The following TIAM1 variants were observed in gnomAD, a reference collection of about 807,000 sequenced individuals.
The protein encoded by TIAM1 is rho guanine nucleotide exchange factor TIAM1.
TIAM1 carries 65 observed loss-of-function variants against 163.5 expected under a neutral mutation model. That is an observed-to-expected ratio of 0.40 (90% CI 0.33 to 0.49). The LOEUF (loss-of-function observed/expected upper bound fraction) is 0.49. Among genes scored for constraint, TIAM1 ranks in the 20% least tolerant of loss-of-function variants. The probability of loss-of-function intolerance (pLI) is 0.77; values close to 1 mark genes in which losing one functional copy is unlikely to be tolerated. For synonymous variants in TIAM1, 833 were observed against 810.1 expected, an observed-to-expected ratio of 1.03 and a Z score of -0.48; for missense variants, 1,789 against 2,044.7, an observed-to-expected ratio of 0.87 and a Z score of 2.41.
Position 31,487,456 on chromosome 21 carries a change from C to T in TIAM1, c.-421-23421G>A, listed in dbSNP as rs545768499. ...TGCGATCTCGGCTCACCATAACCTC[C>T]GCCTCCTGGGTTCAAGCGATTCTCC... is the stretch of plus-strand genomic sequence containing the variant. On this transcript the variant is annotated intron_variant, in intron 1 of 28. Coordinates refer to the TIAM1 transcript ENST00000286827. Among the ~76,000 whole-genome samples the T allele has an allele frequency of 1.5e-3, 229 of 152,244 alleles. 1 individual carries two copies. The highest frequency in any genetic ancestry group is 4.7e-3 in the African/African-American group (197 of 41,556).
chr21:31,244,975 T>C (rs1192644850), intron 6 of TIAM1, among the ~76,000 whole-genome samples: 2 of 152,100 alleles, frequency 1.3e-5, no homozygotes, highest in African/African-American at 4.8e-5. Context: ...TTAAAAAATG[T>C]TGAAATTCAA....
chr21:31,341,509 T>C (rs1358103847), intron 1 of TIAM1, among the ~76,000 whole-genome samples: 2 of 152,226 alleles, frequency 1.3e-5, no homozygotes, highest in African/African-American at 4.8e-5. Flanking sequence ...AAATCTGTAT[T>C]GTCAAGTGGG....
intron 6 of TIAM1, among the ~76,000 whole-genome samples, chr21:31,231,707 A>G (rs2088443122): frequency 6.6e-6 from 1 of 152,060 alleles, no homozygotes; most frequent in Non-Finnish European, 1.5e-5. Context: ...ACCGCATTTA[A>G]GCTTTGCATG....
intron 2 of TIAM1, among the ~76,000 whole-genome samples, chr21:31,325,110 T>C (rs1038363407): frequency 4.9e-5 from 7 of 144,256 alleles, no homozygotes; most frequent in Non-Finnish European, 9.2e-5. Flanking sequence ...CAAGACCCCA[T>C]CTCTACAAAA....
At chr21:31,528,982 C>A (rs948709127) in intron 1 of TIAM1, among the ~76,000 whole-genome samples, 1 of 145,244 alleles carries the variant, frequency 6.9e-6, no homozygotes, top group South Asian at 2.2e-4. Context: ...AGTGCAGTGG[C>A]GCGATCTCAG....
At chr21:31,506,281 C>CAT (rs1248908558) in intron 1 of TIAM1, among the ~76,000 whole-genome samples, 24 of 150,772 alleles carry the variant, frequency 1.6e-4, no homozygotes, top group African/African-American at 5.8e-4. Context: ...CACACACACA[C>CAT]ATATGCATCT....
rs765397127 is a variant in TIAM1 at position 31,153,072 on chromosome 21, C to G, written c.3234G>C (p.Gln1078His). 2.5e-6 allele frequency: 4 copies of G among 1,613,390 alleles called. No homozygotes were observed. In the Admixed American group the frequency reaches 5.0e-5, roughly 20 times the overall value. Residue 1078 changes from glutamine to histidine, a missense_variant, in exon 18 of 28, where the codon CAG becomes CAC. Gln to His is a conservative substitution (Grantham distance 24, BLOSUM62 0). Transcript: ENST00000541036. ...GAAACCATTTCCAGCATACCTCATC[C>G]TGGGTGAGAAAAGTTTCTTTTTGAA... Reference protein sequence around the residue: ...KPLQKETFLTQDELDVLFGNL... With the variant: ...KPLQKETFLTHDELDVLFGNL...
At chr21:31,547,542 C>T (rs1601061171) in intron 1 of TIAM1, among the ~76,000 whole-genome samples, 3 of 152,022 alleles carry the variant, frequency 2.0e-5, no homozygotes, top group South Asian at 2.1e-4. Context: ...TTAAGGAATT[C>T]GATTGCTAAA....
intron 2 of TIAM1, among the ~76,000 whole-genome samples, chr21:31,455,194 G>A (rs550855): frequency 0.19 from 28,206 of 148,312 alleles, 3,276 homozygotes; most frequent in Non-Finnish European, 0.27. Flanking sequence ...CAGGAGAACT[G>A]CTTGAATCCA....
At chr21:31,487,524 C>A (rs1346778946) in intron 1 of TIAM1, among the ~76,000 whole-genome samples, 1 of 150,898 alleles carries the variant, frequency 6.6e-6, no homozygotes, top group East Asian at 2.0e-4. Context: ...GTGGCCGCCA[C>A]CATGCCCAGC....
chr21:31,190,558 A>G (rs1216241562), intron 13 of TIAM1, among the ~76,000 whole-genome samples: 1 of 152,220 alleles, frequency 6.6e-6, no homozygotes, highest in Non-Finnish European at 1.5e-5. Flanking sequence ...ACAGGCACCT[A>G]TAACATGAGG....
intron 2 of TIAM1, among the ~76,000 whole-genome samples, chr21:31,335,663 C>G (rs1016593816): frequency 7.3e-5 from 11 of 151,456 alleles, no homozygotes; most frequent in African/African-American, 2.4e-4. Flanking sequence ...CGAGATCACA[C>G]CACTGCACTC....
chr21:31,432,603 C>A (rs2044079928), intron 2 of TIAM1, among the ~76,000 whole-genome samples: 1 of 152,176 alleles, frequency 6.6e-6, no homozygotes, highest in African/African-American at 2.4e-5. Context: ...AGCAACTCCA[C>A]TTGTAAAGAC....
intron 2 of TIAM1, among the ~76,000 whole-genome samples, chr21:31,352,462 A>C (rs2076250168): frequency 1.3e-5 from 2 of 150,388 alleles, no homozygotes. Flanking sequence ...GCCAACTTTT[A>C]TGTTATATAT....
At chr21:31,325,649 C>A (rs1283761393) in intron 2 of TIAM1, among the ~76,000 whole-genome samples, 4 of 141,834 alleles carry the variant, frequency 2.8e-5, no homozygotes, top group Non-Finnish European at 4.5e-5. Flanking sequence ...GCCTGGGCGA[C>A]AGAGCAAGAC....
chr21:31,269,230 G>A (rs528929145), intron 3 of TIAM1, among the ~76,000 whole-genome samples: 3 of 152,310 alleles, frequency 2.0e-5, no homozygotes, highest in East Asian at 1.9e-4. Context: ...AAGAATTACC[G>A]CACTACATGC....
intron 15 of TIAM1, among the ~76,000 whole-genome samples, chr21:31,168,929 C>G (rs193025880): frequency 2.0e-5 from 3 of 152,234 alleles, no homozygotes; most frequent in African/African-American, 7.2e-5. Flanking sequence ...CAAAATCAGG[C>G]CACCAAGGAA....
chr21:31,534,559 C>T (rs1195414466), intron 1 of TIAM1, among the ~76,000 whole-genome samples: 1 of 152,072 alleles, frequency 6.6e-6, no homozygotes, highest in Non-Finnish European at 1.5e-5. Flanking sequence ...TCTGTAATCC[C>T]AGCTACTCGG....
chr21:31,265,863 C>T, intron 4 of TIAM1, 147 bp downstream of exon 4: 1 of 1,149,368 alleles, frequency 8.7e-7, no homozygotes, highest in East Asian at 2.5e-5. Flanking sequence ...AGAGAGAAAT[C>T]CTCCCAAAAC....
Sources: allele counts gnomAD v4.1 joint callset (sites outside exome capture counted in the v4.1 genomes callset), GRCh38; gene constraint gnomAD v4.1.1; transcripts MANE v1.5; gene names NCBI Gene and HGNC (gene_info 2026-07-23, HGNC 2026-07-21).